Variants in AKAP19 observed in about 807,000 individuals in gnomAD.
AKAP19 encodes A-kinase anchoring protein 19, also known as small A-kinase anchoring protein.
the AKAP19 span, among the ~76,000 whole-genome samples, chr2:189,964,621 A>G: frequency 6.6e-6 from 1 of 152,198 alleles, no homozygotes; most frequent in Non-Finnish European, 1.5e-5. Context: ...GATAACTTGT[A>G]GCTTCTACAT....
chr2:189,917,219 C>G, the AKAP19 span: 1 of 1,004,234 alleles, frequency 1.0e-6, no homozygotes, highest in Non-Finnish European at 1.5e-6. Context: ...GATCAAAATA[C>G]TTAACTGTCC....
chr2:189,891,223 C>CTT, the AKAP19 span, among the ~76,000 whole-genome samples: 3,741 of 110,430 alleles, frequency 0.034, 265 homozygotes, highest in African/African-American at 0.1. Context: ...TTTTTTTTTC[C>CTT]TTTTTTTTTT....
At chr2:190,147,528 T>G in the AKAP19 span, among the ~76,000 whole-genome samples, 1 of 152,352 alleles carries the variant, frequency 6.6e-6, no homozygotes, top group African/African-American at 2.4e-5. Context: ...TTTCTAACTA[T>G]GTGAAGAACG....
chr2:190,192,452 CTGTGTGTGTGTGTGTGTGTGTGTGTG>C, the AKAP19 span, among the ~76,000 whole-genome samples: 1 of 145,358 alleles, frequency 6.9e-6, no homozygotes, highest in Middle Eastern at 3.4e-3. Context: ...AATTCAGAAT[CTGTGTGTGTGTGTGTGTGTGTGTGTG>C]TGTGTGTGTG....
At chr2:189,977,301 C>T in the AKAP19 span, among the ~76,000 whole-genome samples, 1 of 147,316 alleles carries the variant, frequency 6.8e-6, no homozygotes, top group Admixed American at 6.6e-5. Flanking sequence ...CATAGCCACT[C>T]TCCTTGCCCT....
the AKAP19 span, among the ~76,000 whole-genome samples, chr2:190,108,982 T>C: frequency 2.0e-5 from 3 of 152,208 alleles, no homozygotes; most frequent in Non-Finnish European, 4.4e-5. Flanking sequence ...ACTTCATAGA[T>C]GTTGGTTTAT....
chr2:189,970,747 G>A, the AKAP19 span, among the ~76,000 whole-genome samples: 36,171 of 152,120 alleles, frequency 0.24, 5,135 homozygotes, highest in African/African-American at 0.41. Flanking sequence ...GTCACAGGCT[G>A]TACGTATTTT....
At chr2:189,909,102 A>T in the AKAP19 span, among the ~76,000 whole-genome samples, 1 of 152,042 alleles carries the variant, frequency 6.6e-6, no homozygotes, top group African/African-American at 2.4e-5. Context: ...CTTTATCATT[A>T]TATAATTATC....
chr2:190,062,515 C>T, the AKAP19 span: 5 of 1,613,424 alleles, frequency 3.1e-6, no homozygotes, highest in South Asian at 3.3e-5. Context: ...TCTTTTTGCT[C>T]ACTGTTCTCA....
At chr2:190,064,538 A>C in the AKAP19 span, among the ~76,000 whole-genome samples, 1 of 152,120 alleles carries the variant, frequency 6.6e-6, no homozygotes, top group Admixed American at 6.6e-5. Flanking sequence ...GAGATACTTA[A>C]CTTCCCTAAA....
At chr2:190,155,856 T>G in the AKAP19 span, among the ~76,000 whole-genome samples, 2 of 152,158 alleles carry the variant, frequency 1.3e-5, no homozygotes, top group Admixed American at 6.5e-5. Flanking sequence ...AAGGACCTCC[T>G]GAAAAATAAT....
At chr2:190,191,621 G>A in the AKAP19 span, among the ~76,000 whole-genome samples, 1 of 152,160 alleles carries the variant, frequency 6.6e-6, no homozygotes, top group African/African-American at 2.4e-5. Context: ...CAGTTGCTCT[G>A]TATATGCACC....
chr2:190,141,693 T>C, the AKAP19 span, among the ~76,000 whole-genome samples: 5 of 152,180 alleles, frequency 3.3e-5, no homozygotes, highest in Non-Finnish European at 7.3e-5. Context: ...GGAACTACAA[T>C]GCAAGATCAC....
the AKAP19 span, among the ~76,000 whole-genome samples, chr2:190,022,103 A>C: frequency 2.0e-5 from 3 of 152,162 alleles, no homozygotes; most frequent in Non-Finnish European, 4.4e-5. Flanking sequence ...CTATGCATTA[A>C]TTAATCCATT....
the AKAP19 span, among the ~76,000 whole-genome samples, chr2:189,935,927 T>C: frequency 6.6e-6 from 1 of 152,168 alleles, no homozygotes; most frequent in Non-Finnish European, 1.5e-5. Context: ...TGAAGATGAT[T>C]ATCTGTTAAT....
the AKAP19 span, among the ~76,000 whole-genome samples, chr2:190,087,329 T>G: frequency 6.6e-6 from 1 of 152,102 alleles, no homozygotes; most frequent in Admixed American, 6.6e-5. Context: ...GAGAAAAGAA[T>G]CCTATGTTCT....
chr2:189,902,696 CT>C, the AKAP19 span, among the ~76,000 whole-genome samples: 1 of 151,704 alleles, frequency 6.6e-6, no homozygotes, highest in Non-Finnish European at 1.5e-5. Context: ...GAAATTATTC[CT>C]TTTTAGTCAA....
the AKAP19 span, among the ~76,000 whole-genome samples, chr2:189,914,011 G>C: frequency 6.6e-6 from 1 of 151,950 alleles, no homozygotes; most frequent in Non-Finnish European, 1.5e-5. Flanking sequence ...TGCCAAATTG[G>C]CACTTTACAC....
At chr2:190,064,911 G>A in the AKAP19 span, among the ~76,000 whole-genome samples, 2 of 152,106 alleles carry the variant, frequency 1.3e-5, no homozygotes, top group African/African-American at 4.8e-5. Flanking sequence ...CATGATTTCT[G>A]TATTCACAAA....
Sources: allele counts gnomAD v4.1 joint callset (sites outside exome capture counted in the v4.1 genomes callset), GRCh38; gene constraint gnomAD v4.1.1; transcripts MANE v1.5; gene names NCBI Gene and HGNC (gene_info 2026-07-23, HGNC 2026-07-21).